Variants in RPA1 observed in about 807,000 individuals in gnomAD.
RPA1 encodes the protein replication protein A1.
RPA1 carries 49 observed loss-of-function variants against 83.0 expected under a neutral mutation model. That is an observed-to-expected ratio of 0.59 (90% CI 0.47 to 0.75). RPA1 has a LOEUF of 0.75. Among genes scored for constraint, RPA1 ranks in the 30% least tolerant of loss-of-function variants. The pLI is 0.00. For synonymous variants in RPA1, 279 were observed against 281.8 expected, an observed-to-expected ratio of 0.99 and a Z score of 0.10; for missense variants, 693 against 776.1, an observed-to-expected ratio of 0.89 and a Z score of 1.27.
At chr17:1,866,609 G>A (rs1411315681) in intron 5 of RPA1, among the ~76,000 whole-genome samples, 7 of 151,882 alleles carry the variant, frequency 4.6e-5, no homozygotes, top group South Asian at 4.2e-4. Flanking sequence ...GGGCCACTGC[G>A]CCCGGCCACC....
chr17:1,895,768 C>T lies in RPA1; in HGVS notation c.1746+673C>T, dbSNP rs375708960. Among the ~76,000 whole-genome samples, 32 of 151,840 alleles carry T rather than the reference C, an allele frequency of 2.1e-4. No individual in the cohort carries two copies. In the East Asian group the frequency reaches 4.3e-3, roughly 20 times the overall value. ...GACGATCTTGGCTCACCACAACCTC[C>T]GCCTCCCGGGTTCAAGTGATTCTCC... On this transcript the variant is annotated intron_variant, in intron 16 of 16. Coordinates refer to ENST00000254719, the MANE Select transcript of RPA1 (RefSeq NM_002945.5).
chr17:1,874,026 TATATATACAC>T (rs1284824848), intron 6 of RPA1, among the ~76,000 whole-genome samples: 49 of 110,116 alleles, frequency 4.4e-4, no homozygotes, highest in South Asian at 3.5e-3. Flanking sequence ...TATATATATA[TATATATACAC>T]ACACACACAC....
intron 13 of RPA1, among the ~76,000 whole-genome samples, chr17:1,885,693 C>T (rs1358014218): frequency 6.6e-6 from 1 of 152,134 alleles, no homozygotes; most frequent in Non-Finnish European, 1.5e-5. Flanking sequence ...CCTGCCTCAA[C>T]CTCTCAAAGT....
At chr17:1,877,415 T>C (rs908983987) in intron 8 of RPA1, 101 bp downstream of exon 8, 1 of 1,038,870 alleles carries the variant, frequency 9.6e-7, no homozygotes, top group African/African-American at 1.6e-5. Flanking sequence ...AACAGAAGGC[T>C]CAGCTCTGCG....
intron 5 of RPA1, among the ~76,000 whole-genome samples, chr17:1,866,134 C>T (rs983912693): frequency 2.0e-5 from 3 of 151,882 alleles, no homozygotes; most frequent in African/African-American, 7.3e-5. Context: ...CCTAGCCACC[C>T]GGGAGGCTGA....
rs17338892 is a variant in RPA1, at chr17:1,880,486, ATCT to A, written c.1093-53_1093-51del. 3,587 of 1,576,828 alleles carry A rather than the reference ATCT, an allele frequency of 2.3e-3. 76 individuals carry two copies. In the African/African-American group the frequency reaches 0.042, roughly 19 times the overall value. On this transcript the variant is annotated intron_variant, in intron 11 of 16. Transcript: ENST00000254719. ...AATGTTTGCCTTGTTTTCTATAAAA[ATCT>A]TCTGTGTTCTTCCTGCTAGTGACAC...
chr17:1,854,932 C>T (rs1393285642), intron 5 of RPA1, among the ~76,000 whole-genome samples: 1 of 152,178 alleles, frequency 6.6e-6, no homozygotes, highest in African/African-American at 2.4e-5. Flanking sequence ...TTATCTTTGT[C>T]TTGTTCCTGA....
At chr17:1,893,437 G>T (rs934761956) in intron 15 of RPA1, among the ~76,000 whole-genome samples, 1 of 146,310 alleles carries the variant, frequency 6.8e-6, no homozygotes, top group African/African-American at 2.5e-5. Flanking sequence ...ATATCTGAAA[G>T]TCCATTTGGT....
At chr17:1,888,910 C>T in intron 14 of RPA1, 59 bp downstream of exon 14, 3 of 1,553,570 alleles carry the variant, frequency 1.9e-6, no homozygotes, top group Non-Finnish European at 2.6e-6. Context: ...TCCCGTGTGC[C>T]AGGCACTGTG....
At chr17:1,855,186 A>G (rs1912643065) in intron 5 of RPA1, among the ~76,000 whole-genome samples, 1 of 151,322 alleles carries the variant, frequency 6.6e-6, no homozygotes, top group Non-Finnish European at 1.5e-5. Flanking sequence ...TTTTTTTGAG[A>G]CAGTCTCATT....
At chr17:1,846,428 C>T (rs868687137) in intron 4 of RPA1, among the ~76,000 whole-genome samples, 2 of 151,084 alleles carry the variant, frequency 1.3e-5, no homozygotes, top group African/African-American at 4.9e-5. Flanking sequence ...GGTGATTCTC[C>T]CACCTCAGCC....
Position 1,865,332 on chromosome 17 carries a change from T to C in RPA1, c.362-7102T>C, listed in dbSNP as rs190621713. Among the ~76,000 whole-genome samples the C allele has an allele frequency of 3.9e-5, 6 of 152,320 alleles. No individual in the cohort carries two copies. The East Asian group carries it at 5.8e-4, about 15-fold the overall frequency. On this transcript the variant is annotated intron_variant, in intron 5 of 16. Coordinates refer to ENST00000254719, the MANE Select transcript of RPA1 (RefSeq NM_002945.5). ...ACCAAAGTTTTTGCCTACTTGAAAATTGTATTTAAGTACATAGATCGTGTG... is the reference window on the plus strand; with the variant it reads ...ACCAAAGTTTTTGCCTACTTGAAAACTGTATTTAAGTACATAGATCGTGTG...
intron 1 of RPA1, among the ~76,000 whole-genome samples, chr17:1,838,687 A>G (rs897311333): frequency 2.0e-5 from 3 of 151,378 alleles, no homozygotes; most frequent in South Asian, 2.1e-4. Context: ...CAGAAGTTTT[A>G]TAGTTTTCGC....
chr17:1,834,636 T>C (rs544586735), intron 1 of RPA1, among the ~76,000 whole-genome samples: 16 of 152,312 alleles, frequency 1.1e-4, no homozygotes, highest in African/African-American at 3.8e-4. Flanking sequence ...ACAGAATACA[T>C]AGCATTTGTA....
intron 1 of RPA1, chr17:1,830,497 C>G: frequency 4.7e-6 from 1 of 213,620 alleles, no homozygotes; most frequent in Non-Finnish European, 9.3e-6. Flanking sequence ...CTTTAACCCA[C>G]TCCAGTCATC....
intron 14 of RPA1, 69 bp downstream of exon 14, chr17:1,888,920 G>A (rs752159840): frequency 6.6e-7 from 1 of 1,512,812 alleles, no homozygotes. Flanking sequence ...CAGGCACTGT[G>A]GTCACAACAG....
chr17:1,836,666 G>GT lies in RPA1; in HGVS notation c.34-6125dup, dbSNP rs777094179. Among the ~76,000 whole-genome samples, 999 of 144,498 alleles carry GT rather than the reference G, an allele frequency of 6.9e-3. 2 individuals are homozygous for GT. The highest frequency in any genetic ancestry group is 7.6e-3 in the Non-Finnish European group (496 of 65,500). The allele number at this position is 144,498 out of a possible 152,430, so 94.8% of individuals were successfully genotyped here. On this transcript the variant is annotated intron_variant, in intron 1 of 16. Transcript: ENST00000254719. ...CTTTTGTGTCTGGCTTCTTTCAGCAGTTTTTTTTTTTTCCCCAGAGGTAGG... is the reference window on the plus strand; with the variant it reads ...CTTTTGTGTCTGGCTTCTTTCAGCAGTTTTTTTTTTTTTCCCCAGAGGTAGG...
rs142103100 is a variant in RPA1, at chr17:1,837,729, A to G, written c.34-5074A>G. On this transcript the variant is annotated intron_variant, in intron 1 of 16. Transcript: ENST00000254719. ...CTGGCCATTTGTATATCTTCACGAAAGAAGTGTCTGTTCACATCTTTTGTT... is the reference window on the plus strand; with the variant it reads ...CTGGCCATTTGTATATCTTCACGAAGGAAGTGTCTGTTCACATCTTTTGTT... Among the ~76,000 whole-genome samples the G allele has an allele frequency of 3.1e-4, 47 of 152,346 alleles. No homozygotes were observed. The East Asian group carries it at 9.1e-3, about 29-fold the overall frequency.
chr17:1,843,359 G>A (rs925570822), intron 2 of RPA1, among the ~76,000 whole-genome samples: 4 of 151,690 alleles, frequency 2.6e-5, no homozygotes, highest in South Asian at 2.1e-4. Flanking sequence ...CACCACACGC[G>A]CCGTGGGTCA....
Sources: gnomAD v4.1 joint callset for allele counts (sites outside exome capture counted in the v4.1 genomes callset) on GRCh38, gnomAD v4.1.1 for gene constraint, MANE v1.5 for transcripts, NCBI Gene and HGNC (gene_info 2026-07-23, HGNC 2026-07-21) for gene names.